The following RBFOX1 variants were observed in gnomAD, a reference collection of about 807,000 sequenced individuals.
RBFOX1 encodes RNA binding protein fox-1 homolog 1.
RBFOX1 carries 8 observed loss-of-function variants against 57.7 expected under a neutral mutation model. That is an observed-to-expected ratio of 0.14 (90% CI 0.08 to 0.25). RBFOX1 has a LOEUF of 0.25. Among genes scored for constraint, RBFOX1 ranks in the 10% least tolerant of loss-of-function variants. The probability of loss-of-function intolerance (pLI) is 1.00; values close to 1 mark genes in which losing one functional copy is unlikely to be tolerated. For missense variants in RBFOX1, 611 were observed against 548.5 expected (o/e 1.11, Z -1.14); for synonymous variants, 326 against 222.4 (o/e 1.47, Z -4.15).
intron 3 of RBFOX1, among the ~76,000 whole-genome samples, chr16:6,705,794 G>T (rs1418170628): frequency 6.6e-6 from 1 of 152,156 alleles, no homozygotes; most frequent in African/African-American, 2.4e-5. Context: ...GAGGCAGGCA[G>T]ATCACTTGAG....
chr16:5,511,394 C>T (rs2043587106), intron 2 of RBFOX1, among the ~76,000 whole-genome samples: 1 of 152,144 alleles, frequency 6.6e-6, no homozygotes, highest in South Asian at 2.1e-4. Context: ...CTTTATTTTT[C>T]CTTGCCATAT....
chr16:5,870,589 C>G (rs1437327157), intron 4 of RBFOX1, among the ~76,000 whole-genome samples: 1 of 151,858 alleles, frequency 6.6e-6, no homozygotes, highest in Non-Finnish European at 1.5e-5. Flanking sequence ...ATTCCAGTCT[C>G]CCATTTCCCA....
chr16:5,730,004 G>C (rs1019344969), intron 3 of RBFOX1, among the ~76,000 whole-genome samples: 1 of 152,138 alleles, frequency 6.6e-6, no homozygotes, highest in South Asian at 2.1e-4. Flanking sequence ...GCCCGCAAAG[G>C]GGGTGCCTCA....
chr16:5,621,829 G>C (rs1445070029), intron 3 of RBFOX1, among the ~76,000 whole-genome samples: 1 of 152,094 alleles, frequency 6.6e-6, no homozygotes, highest in South Asian at 2.1e-4. Flanking sequence ...TATCTATCCA[G>C]GTACATATTT....
chr16:7,091,878 T>C (rs74008728), intron 4 of RBFOX1, among the ~76,000 whole-genome samples: 7 of 152,252 alleles, frequency 4.6e-5, no homozygotes, highest in Admixed American at 2.6e-4. Context: ...GTTGCAGATA[T>C]AGAGTTGCTT....
chr16:5,424,956 G>GTTTC, intron 1 of RBFOX1, among the ~76,000 whole-genome samples: 1 of 48,720 alleles, frequency 2.1e-5, no homozygotes, highest in East Asian at 6.9e-4. Context: ...TTCTTCCTTT[G>GTTTC]TTTCTTTCTC....
chr16:6,277,665 C>CAAAA (rs60150908), intron 1 of RBFOX1, among the ~76,000 whole-genome samples: 1 of 119,074 alleles, frequency 8.4e-6, no homozygotes, highest in South Asian at 2.8e-4. Context: ...GACCTTGTCT[C>CAAAA]AAAAAAAAAA....
chr16:6,914,038 T>C (rs146186086), intron 3 of RBFOX1, among the ~76,000 whole-genome samples: 1 of 152,138 alleles, frequency 6.6e-6, no homozygotes, highest in Admixed American at 6.5e-5. Context: ...AAGCAAAAAA[T>C]AGTGTTGCAT....
At chr16:7,354,363 C>G (rs2097178467) in intron 4 of RBFOX1, among the ~76,000 whole-genome samples, 1 of 152,174 alleles carries the variant, frequency 6.6e-6, no homozygotes, top group Admixed American at 6.5e-5. Flanking sequence ...CAAATTCTTT[C>G]TATTACCTGT....
At chr16:6,066,901 C>T (rs115144822) in intron 1 of RBFOX1, among the ~76,000 whole-genome samples, 43 of 152,020 alleles carry the variant, frequency 2.8e-4, no homozygotes, top group African/African-American at 9.2e-4. Context: ...TGCATTTGAC[C>T]GTTGACTCAC....
chr16:5,480,909 T>C (rs917934770), intron 2 of RBFOX1, among the ~76,000 whole-genome samples: 5 of 152,160 alleles, frequency 3.3e-5, no homozygotes, highest in East Asian at 1.9e-4. Flanking sequence ...TTGCCACATA[T>C]ATTTTCATAT....
chr16:5,897,016 CTTTTTTTTTTTT>C lies in RBFOX1; in HGVS notation c.351+29700_351+29711del, dbSNP rs575235024. 1.4e-3 allele frequency among the ~76,000 whole-genome samples: 77 copies of C among 56,472 alleles called. 1 individual carries two copies. In the East Asian group the frequency reaches 0.021, roughly 16 times the overall value. The allele number at this position is 56,472 out of a possible 152,430, so 37.0% of individuals were successfully genotyped here. ...CCCCCACTAAAAATGTATCCATCCG[CTTTTTTTTTTTT>C]TTTTTTTTTTTTTTTTTTGGGACGG... On this transcript the variant is annotated intron_variant, in intron 4 of 19. Coordinates refer to the RBFOX1 transcript ENST00000641259.
At position 6,887,211 on chromosome 16, in the gene RBFOX1, T is replaced by C. The variant is rs190138474; in HGVS notation, c.-15-164846T>C. On this transcript the variant is annotated intron_variant, in intron 3 of 15. Transcript: ENST00000550418. ...CTTCTTCCTCCTCTATCTCTAATTC[T>C]AGTACTTGGAAGGAGACTATAGAGT... Among the ~76,000 whole-genome samples the C allele has an allele frequency of 3.0e-3, 451 of 152,314 alleles. 1 individual carries two copies. Among genetic ancestry groups the C allele is most frequent in the African/African-American group, 0.01 (430 of 41,578 alleles).
intron 4 of RBFOX1, among the ~76,000 whole-genome samples, chr16:7,115,968 T>G (rs1210382903): frequency 1.3e-5 from 2 of 152,064 alleles, no homozygotes; most frequent in Admixed American, 6.6e-5. Context: ...GTACCAAGGG[T>G]AAGGATAATG....
intron 4 of RBFOX1, among the ~76,000 whole-genome samples, chr16:5,938,703 G>A (rs2059219348): frequency 6.6e-6 from 1 of 152,026 alleles, no homozygotes; most frequent in South Asian, 2.1e-4. Context: ...GGAATAGCCT[G>A]GTTGCTTCTC....
chr16:7,403,562 T>G (rs1192953476), intron 4 of RBFOX1, among the ~76,000 whole-genome samples: 1 of 114,666 alleles, frequency 8.7e-6, no homozygotes, highest in Non-Finnish European at 1.7e-5. Context: ...AATGAGAGAA[T>G]CCCCCCCCCC....
intron 1 of RBFOX1, among the ~76,000 whole-genome samples, chr16:6,131,567 C>T (rs1457428606): frequency 6.6e-6 from 1 of 152,186 alleles, no homozygotes; most frequent in African/African-American, 2.4e-5. Flanking sequence ...TTCCACTCCC[C>T]AGATGACTCT....
chr16:5,919,949 A>AT (rs35676883), intron 4 of RBFOX1, among the ~76,000 whole-genome samples: 3 of 151,366 alleles, frequency 2.0e-5, no homozygotes, highest in East Asian at 2.0e-4. Flanking sequence ...CAGTACTTCC[A>AT]TTTTTTTTAG....
Position 7,486,139 on chromosome 16 carries a change from T to TC in RBFOX1, c.28-32008_28-32007insC, listed in dbSNP as rs1215023836. On this transcript the variant is annotated intron_variant, in intron 4 of 15. Coordinates refer to ENST00000550418, the MANE Select transcript of RBFOX1 (RefSeq NM_018723.4). ...TGTCTTTTTTTTTTTTTTTTTTTTT[T>TC]TGAGATGGAGTCTTGCTTTGTTGGC... Among the ~76,000 whole-genome samples, 4 of 147,314 alleles carry TC rather than the reference T, an allele frequency of 2.7e-5. No homozygotes were observed. In the East Asian group the frequency reaches 5.9e-4, roughly 22 times the overall value.
Sources: gnomAD v4.1 joint callset for allele counts (sites outside exome capture counted in the v4.1 genomes callset) on GRCh38, gnomAD v4.1.1 for gene constraint, MANE v1.5 for transcripts, NCBI Gene and HGNC (gene_info 2026-07-23, HGNC 2026-07-21) for gene names.